The following PTPN21 variants were observed in gnomAD, a reference collection of about 807,000 sequenced individuals.
PTPN21 encodes the protein protein tyrosine phosphatase non-receptor type 21.
Under a neutral mutation model 131.8 loss-of-function variants are expected in PTPN21, and 77 were observed. That is an observed-to-expected ratio of 0.58 (90% CI 0.49 to 0.71). PTPN21 has a LOEUF of 0.71. PTPN21 is among the 30% of genes least tolerant of loss of function. The probability of loss-of-function intolerance (pLI) is 0.00; values close to 1 mark genes in which losing one functional copy is unlikely to be tolerated. For missense variants in PTPN21, 1,552 were observed against 1,527.1 expected, an observed-to-expected ratio of 1.02 and a Z score of -0.27; for synonymous variants, 715 against 621.3, an observed-to-expected ratio of 1.15 and a Z score of -2.24.
chr14:88,546,288 T>C (rs961083642), intron 2 of PTPN21, among the ~76,000 whole-genome samples: 1 of 151,776 alleles, frequency 6.6e-6, no homozygotes, highest in Non-Finnish European at 1.5e-5. Context: ...CCGGGCACGT[T>C]GGCTCACTCC....
At chr14:88,478,436 T>C (rs1302230898) in intron 13 of PTPN21, among the ~76,000 whole-genome samples, 2 of 152,118 alleles carry the variant, frequency 1.3e-5, no homozygotes, top group East Asian at 3.9e-4. Context: ...GTAAGCTGTA[T>C]CCACACACAC....
intron 3 of PTPN21, among the ~76,000 whole-genome samples, chr14:88,509,303 T>A (rs1435107386): frequency 6.6e-6 from 1 of 152,204 alleles, no homozygotes; most frequent in African/African-American, 2.4e-5. Context: ...TATGGAGCCA[T>A]CTGGAATCCA....
chr14:88,534,219 A>T (rs1199837193), intron 2 of PTPN21, among the ~76,000 whole-genome samples: 1 of 150,462 alleles, frequency 6.6e-6, no homozygotes, highest in African/African-American at 2.4e-5. Flanking sequence ...GCTAAAAATT[A>T]AAAAAAAGGG....
In PTPN21 at chr14:88,479,443, T is replaced by A. The variant is rs1378603613; in HGVS notation, c.1988A>T (p.Glu663Val). 1.2e-6 allele frequency: 2 copies of A among 1,601,442 alleles called. No individual in the cohort carries two copies. The highest frequency in any genetic ancestry group is 1.7e-6 in the Non-Finnish European group (2 of 1,178,440). ...CACCGAGACGGCTCGCGGCGCCACC[T>A]CTGCCGCCGACGCGGATAGGGTGCG... ...KERTLSASAA[E>V]VAPRAVSVGS... Residue 663 changes from glutamate (E) to valine (V), a missense_variant, in exon 13 of 19, where the codon GAG becomes GTG. By Grantham distance (121) the Glu-to-Val change is moderately radical (BLOSUM62 -2). Around this residue, in one of 4 missense-constraint regions of PTPN21, gnomAD observed 1,016 missense variants for 883.5 expected, o/e 1.15. Coordinates refer to ENST00000556564, the MANE Select transcript of PTPN21 (RefSeq NM_007039.4).
intron 2 of PTPN21, chr14:88,547,572 G>C: frequency 2.3e-6 from 1 of 435,170 alleles, no homozygotes; most frequent in Admixed American, 2.5e-5. Context: ...AGGATCACTT[G>C]AGCCTAGGTG....
chr14:88,470,083 G>C, intron 15 of PTPN21, 33 bp from the exon 16 acceptor site: 1 of 1,603,150 alleles, frequency 6.2e-7, no homozygotes, highest in Non-Finnish European at 8.5e-7. Context: ...AAATTGATGT[G>C]TGGGTATAAT....
chr14:88,547,869 A>G (rs1174962175), intron 2 of PTPN21, among the ~76,000 whole-genome samples: 2 of 152,004 alleles, frequency 1.3e-5, no homozygotes, highest in African/African-American at 4.8e-5. Context: ...ATACTTCCCA[A>G]TATCTTCCCT....
At chr14:88,487,294 T>C (rs1221074492) in intron 10 of PTPN21, among the ~76,000 whole-genome samples, 1 of 152,164 alleles carries the variant, frequency 6.6e-6, no homozygotes, top group Non-Finnish European at 1.5e-5. Context: ...TATTCCTGGT[T>C]CATGTACTTA....
intron 2 of PTPN21, among the ~76,000 whole-genome samples, chr14:88,525,192 G>C (rs962087648): frequency 2.6e-5 from 4 of 151,552 alleles, no homozygotes; most frequent in African/African-American, 9.7e-5. Context: ...AGTGAGCCAT[G>C]ATTGTGCCAC....
Position 88,468,203 on chromosome 14 carries a change from A to G in PTPN21, c.3459T>C (p.Thr1153=). 4 of 1,611,980 alleles carry G rather than the reference A, an allele frequency of 2.5e-6. No homozygotes were observed. The highest frequency in any genetic ancestry group is 1.7e-4 in the Middle Eastern group (1 of 6,024). ...LRQQRMMLVQ[T]LCQYTFVYRV... The stretch of plus-strand genomic sequence containing the variant: ...TGTACACAAATGTGTACTGGCAGAG[A>G]GTCTGCACCAGCATCATTCTCTGTT... The change falls in exon 19 of 19, where the codon ACT becomes ACC. Residue 1153 remains threonine (T), a synonymous_variant. Transcript: ENST00000556564.
intron 15 of PTPN21, among the ~76,000 whole-genome samples, chr14:88,471,144 A>T (rs1156646133): frequency 6.6e-6 from 1 of 152,214 alleles, no homozygotes; most frequent in East Asian, 1.9e-4. Flanking sequence ...CCCAAAAGCC[A>T]TCAAGGGGTA....
At chr14:88,484,778 C>T (rs1184007930) in intron 12 of PTPN21, among the ~76,000 whole-genome samples, 1 of 152,090 alleles carries the variant, frequency 6.6e-6, no homozygotes, top group South Asian at 2.1e-4. Context: ...GTCCCAGCTA[C>T]TTGGGAAGCT....
rs2078051165 is a variant in PTPN21 at position 88,504,018 on chromosome 14, G to T, written c.587+407C>A. 1.8e-5 allele frequency: 3 copies of T among 171,318 alleles called. No homozygotes were observed. The Admixed American group carries it at 1.8e-4, about 10-fold the overall frequency. 10.6% of individuals were successfully genotyped at this position (171,318 alleles called of 1,614,324 possible). ...GACACAGCTTCCATAGGTATAGAGAGGGAAGTAACCCTGTACTTGCTAAGC... is the reference window on the plus strand; with the variant it reads ...GACACAGCTTCCATAGGTATAGAGATGGAAGTAACCCTGTACTTGCTAAGC... On this transcript the variant is annotated intron_variant, in intron 6 of 18. Transcript: ENST00000556564.
intron 3 of PTPN21, among the ~76,000 whole-genome samples, chr14:88,511,217 T>C (rs1017686375): frequency 6.6e-6 from 1 of 151,386 alleles, no homozygotes; most frequent in African/African-American, 2.4e-5. Context: ...CACCCAGCCA[T>C]AAATACGTTT....
chr14:88,493,096 C>G (rs1288057075), intron 10 of PTPN21: 2 of 456,516 alleles, frequency 4.4e-6, no homozygotes, highest in Non-Finnish European at 8.8e-6. Context: ...AGACATTTCA[C>G]TTCTGTAAGT....
intron 13 of PTPN21, 118 bp from the exon 14 acceptor site, chr14:88,473,920 A>C (rs2140087902): frequency 1.2e-6 from 1 of 848,546 alleles, no homozygotes; most frequent in Non-Finnish European, 1.8e-6. Flanking sequence ...TTGCCAATAA[A>C]CCCAGAAAGA....
intron 10 of PTPN21, chr14:88,493,184 C>A: frequency 2.4e-6 from 1 of 421,422 alleles, no homozygotes. Flanking sequence ...AAAATAAAAG[C>A]TCTCAGTATA....
chr14:88,508,901 A>G (rs1199152416), intron 3 of PTPN21, among the ~76,000 whole-genome samples: 1 of 152,196 alleles, frequency 6.6e-6, no homozygotes, highest in African/African-American at 2.4e-5. Context: ...TATATAGGGC[A>G]TCAGTTACCA....
In PTPN21 at chr14:88,550,437, T is replaced by C. The variant is rs765454035; in HGVS notation, c.-20A>G. ...TGGCATCTTCTTCTTTCTTCAAGAA[T>C]GGAGGAGCAAAGAGGGAAAAGCTAC... On this transcript the variant is annotated 5_prime_UTR_variant, in exon 2 of 19. Transcript: ENST00000556564. The C allele has an allele frequency of 1.4e-5, 22 of 1,609,016 alleles. No individual in the cohort carries two copies. The highest frequency in any genetic ancestry group is 7.6e-6 in the Non-Finnish European group (9 of 1,176,708).
Sources: allele counts gnomAD v4.1 joint callset (sites outside exome capture counted in the v4.1 genomes callset), GRCh38; gene constraint gnomAD v4.1.1; regional missense constraint gnomAD v4.1.1; transcripts MANE v1.5; gene names NCBI Gene and HGNC (gene_info 2026-07-23, HGNC 2026-07-21).